DIP2C: variants seen among roughly 807,000 people sequenced by gnomAD.
DIP2C encodes disco-interacting protein 2 homolog C.
DIP2C carries 33 observed loss-of-function variants against 192.4 expected under a neutral mutation model. That is an observed-to-expected ratio of 0.17 (90% CI 0.13 to 0.23). The LOEUF is 0.23. Among genes scored for constraint, DIP2C ranks in the 10% least tolerant of loss-of-function variants. The probability of loss-of-function intolerance (pLI) is 1.00; values close to 1 mark genes in which losing one functional copy is unlikely to be tolerated. For synonymous variants in DIP2C, 979 were observed against 864.1 expected, an observed-to-expected ratio of 1.13 and a Z score of -2.33; for missense variants, 1,537 against 2,110.1, an observed-to-expected ratio of 0.73 and a Z score of 5.32.
At chr10:332,554 C>T (rs921616330) in intron 29 of DIP2C, among the ~76,000 whole-genome samples, 36 of 152,102 alleles carry the variant, frequency 2.4e-4, no homozygotes, top group African/African-American at 8.5e-4. Context: ...TTGGCACTGG[C>T]AATAAATTCT....
intron 8 of DIP2C, among the ~76,000 whole-genome samples, chr10:412,837 C>T (rs1240761399): frequency 6.6e-6 from 1 of 152,256 alleles, no homozygotes; most frequent in East Asian, 1.9e-4. Flanking sequence ...CAACTGACAA[C>T]AGGCGGAACT....
intron 8 of DIP2C, among the ~76,000 whole-genome samples, chr10:409,354 TG>T (rs953828702): frequency 2.4e-4 from 37 of 152,318 alleles, no homozygotes; most frequent in Admixed American, 1.5e-3. Context: ...GTCACAGGGC[TG>T]GGATCTGCCC....
At chr10:300,523 A>C (rs1955976586) in intron 32 of DIP2C, among the ~76,000 whole-genome samples, 1 of 152,196 alleles carries the variant, frequency 6.6e-6, no homozygotes, top group African/African-American at 2.4e-5. Flanking sequence ...TAATGAGGAC[A>C]ATATTAAGTG....
chr10:543,913 T>A (rs1848138028), intron 1 of DIP2C, among the ~76,000 whole-genome samples: 1 of 152,280 alleles, frequency 6.6e-6, no homozygotes, highest in African/African-American at 2.4e-5. Flanking sequence ...CAGCACCTGC[T>A]GCTTCCTTCC....
At chr10:557,390 CGT>C (rs1848935080) in intron 1 of DIP2C, among the ~76,000 whole-genome samples, 1 of 151,770 alleles carries the variant, frequency 6.6e-6, no homozygotes, top group African/African-American at 2.4e-5. Context: ...TACAGTCATA[CGT>C]GTGTGTTGCC....
At chr10:451,188 C>A (rs1749921824) in intron 3 of DIP2C, among the ~76,000 whole-genome samples, 1 of 152,202 alleles carries the variant, frequency 6.6e-6, no homozygotes, top group Non-Finnish European at 1.5e-5. Flanking sequence ...ATAGAAAGCT[C>A]CCACAGCCTG....
intron 1 of DIP2C, among the ~76,000 whole-genome samples, chr10:570,386 C>T (rs1477653200): frequency 1.3e-5 from 2 of 152,204 alleles, no homozygotes; most frequent in Non-Finnish European, 2.9e-5. Flanking sequence ...GACCCCCAAC[C>T]CCACACTCCC....
chr10:580,231 ACT>A (rs1850527277), intron 1 of DIP2C, among the ~76,000 whole-genome samples: 1 of 151,246 alleles, frequency 6.6e-6, no homozygotes, highest in Non-Finnish European at 1.5e-5. Flanking sequence ...ATGTCAGTAC[ACT>A]AACATATACA....
At chr10:378,688 T>A (rs1011408999) in intron 17 of DIP2C, among the ~76,000 whole-genome samples, 2 of 150,422 alleles carry the variant, frequency 1.3e-5, no homozygotes, top group Non-Finnish European at 2.9e-5. Context: ...TGAACAGACA[T>A]GCATACACAC....
intron 1 of DIP2C, among the ~76,000 whole-genome samples, chr10:597,875 C>T (rs1359077113): frequency 1.3e-5 from 2 of 152,126 alleles, no homozygotes; most frequent in East Asian, 1.9e-4. Flanking sequence ...TATGGAAATA[C>T]GGGAGAAACC....
At position 689,046 on chromosome 10, in the gene DIP2C, C is replaced by G. The variant is rs1389814727; in HGVS notation, c.85+448G>C. ...GGTGGCGCGCACCGCGCTGCTGCACCAAGGACGCCGCGGCTCCAGCGCAGA... is the reference window on the plus strand; with the variant it reads ...GGTGGCGCGCACCGCGCTGCTGCACGAAGGACGCCGCGGCTCCAGCGCAGA... On this transcript the variant is annotated intron_variant, in intron 1 of 36. Transcript: ENST00000280886. The surrounding 1 kb of genome is among the most constrained non-coding windows in gnomAD (Gnocchi z 6.1). Among the ~76,000 whole-genome samples, 2 of 152,156 alleles carry G rather than the reference C, an allele frequency of 1.3e-5. No homozygotes were observed. The highest frequency in any genetic ancestry group is 1.5e-5 in the Non-Finnish European group (1 of 68,010).
At chr10:532,538 TG>T (rs1338112834) in intron 1 of DIP2C, among the ~76,000 whole-genome samples, 29 of 126,824 alleles carry the variant, frequency 2.3e-4, no homozygotes, top group African/African-American at 7.5e-4. Context: ...TGAGAGAGTA[TG>T]GGTGTGAGAG....
At chr10:546,886 G>A (rs1424689629) in intron 1 of DIP2C, among the ~76,000 whole-genome samples, 1 of 152,172 alleles carries the variant, frequency 6.6e-6, no homozygotes, top group Non-Finnish European at 1.5e-5. Flanking sequence ...AGCTCCAATG[G>A]CTATCATTGG....
chr10:342,316 G>C (rs1214675388), intron 28 of DIP2C, among the ~76,000 whole-genome samples: 1 of 152,124 alleles, frequency 6.6e-6, no homozygotes, highest in Middle Eastern at 3.4e-3. Context: ...CCGCCACCAC[G>C]CCCGGCTAAT....
rs117168181 is a variant in DIP2C, at chr10:505,051, A to G, written c.86-18521T>C. Among the ~76,000 whole-genome samples, 461 of 152,260 alleles carry G rather than the reference A, an allele frequency of 3.0e-3. 2 individuals carry two copies. The highest frequency in any genetic ancestry group is 4.8e-3 in the Non-Finnish European group (327 of 68,020). On this transcript the variant is annotated intron_variant, in intron 1 of 36. Transcript: ENST00000280886. ...CCCACCCTGCCCTCCAAGGGATACT[A>G]TTCTGATGGGACCTGTGTCCACACC...
At chr10:400,214 G>T (rs1402523305) in intron 9 of DIP2C, among the ~76,000 whole-genome samples, 1 of 152,058 alleles carries the variant, frequency 6.6e-6, no homozygotes, top group African/African-American at 2.4e-5. Flanking sequence ...CTTTAGATGG[G>T]GTCTCGTTAT....
At chr10:538,956 C>CA (rs753429941) in intron 1 of DIP2C, among the ~76,000 whole-genome samples, 1 of 148,762 alleles carries the variant, frequency 6.7e-6, no homozygotes, top group Non-Finnish European at 1.5e-5. Context: ...CTGTTCATGT[C>CA]ATTCCGTGTG....
chr10:611,466 G>C (rs1853092804), intron 1 of DIP2C, among the ~76,000 whole-genome samples: 1 of 152,148 alleles, frequency 6.6e-6, no homozygotes, highest in South Asian at 2.1e-4. Flanking sequence ...CTTTGCCAGA[G>C]CACAGACTGT....
At chr10:423,392 G>T (rs1966342944) in intron 4 of DIP2C, among the ~76,000 whole-genome samples, 2 of 152,164 alleles carry the variant, frequency 1.3e-5, no homozygotes, top group African/African-American at 4.8e-5. Context: ...GGATGCTGAG[G>T]GCCTGTGCGG....
Sources: gnomAD v4.1 joint callset for allele counts (sites outside exome capture counted in the v4.1 genomes callset) on GRCh38, gnomAD v4.1.1 for gene constraint, Gnocchi (gnomAD v3.1) non-coding constraint, MANE v1.5 for transcripts, NCBI Gene and HGNC (gene_info 2026-07-23, HGNC 2026-07-21) for gene names.